GOLGA1: variants seen among roughly 807,000 people sequenced by gnomAD.
GOLGA1 encodes golgin A1.
A neutral mutation model predicts 119.7 loss-of-function variants in GOLGA1; 63 were observed. That is an observed-to-expected ratio of 0.53 (90% CI 0.43 to 0.65). The LOEUF (loss-of-function observed/expected upper bound fraction) is 0.65. GOLGA1 is among the 30% of genes least tolerant of loss of function. The pLI, the probability that GOLGA1 is intolerant of heterozygous loss-of-function variation, is 0.00. For synonymous variants in GOLGA1, 318 were observed against 333.4 expected (o/e 0.95, Z 0.50); for missense variants, 798 against 912.8 (o/e 0.87, Z 1.62).
Position 124,881,708 on chromosome 9 carries a change from G to T in GOLGA1, c.2136+76C>A. ...ATGTACGAGGAAAAGAGAGAAAGGGGCTGGGCAGGGGTCCCTGCAGGACAG... is the reference window on the plus strand; with the variant it reads ...ATGTACGAGGAAAAGAGAGAAAGGGTCTGGGCAGGGGTCCCTGCAGGACAG... On this transcript the variant is annotated intron_variant, in intron 21 of 22. Transcript: ENST00000373555. This position sits in a 1 kb window ranked among gnomAD's most constrained non-coding sequence, Gnocchi z 4.9. The T allele has an allele frequency of 2.1e-6, 2 of 943,722 alleles. No homozygotes were observed. Among genetic ancestry groups the T allele is most frequent in the East Asian group, 2.5e-5 (1 of 40,124 alleles). The allele number at this position is 943,722 out of a possible 1,614,324, so 58.5% of individuals were successfully genotyped here.
rs530679293 is a variant in GOLGA1 at position 124,901,010 on chromosome 9, C to T, written c.1066-463G>A. Among the ~76,000 whole-genome samples the T allele has an allele frequency of 8.0e-3, 1,149 of 143,694 alleles. 7 individuals are homozygous for T. Among genetic ancestry groups the T allele is most frequent in the Non-Finnish European group, 0.013 (834 of 66,476 alleles). 94.3% of individuals were successfully genotyped at this position (143,694 alleles called of 152,430 possible). ...TTTTTGAGATGGAGTCTTGCTCTGTCGCCCAGGCTGGAGTGCAGTGGCATG... is the reference window on the plus strand; with the variant it reads ...TTTTTGAGATGGAGTCTTGCTCTGTTGCCCAGGCTGGAGTGCAGTGGCATG... On this transcript the variant is annotated intron_variant, in intron 12 of 22. Coordinates refer to ENST00000373555, the MANE Select transcript of GOLGA1 (RefSeq NM_002077.4).
chr9:124,926,614 G>A, intron 7 of GOLGA1, 95 bp downstream of exon 7: 1 of 808,994 alleles, frequency 1.2e-6, no homozygotes, highest in South Asian at 1.3e-5. Flanking sequence ...CCAAGAGGTG[G>A]TATAGCAATC....
In GOLGA1 at chr9:124,890,437, A is replaced by C. The variant is rs1264109734; in HGVS notation, c.1449T>G (p.Ala483=). 1 of 1,613,922 alleles carries C rather than the reference A, an allele frequency of 6.2e-7. No homozygotes were observed. Among genetic ancestry groups the C allele is most frequent in the South Asian group, 1.1e-5 (1 of 91,084 alleles). Residue 483 remains alanine (A), a synonymous_variant, in exon 16 of 23, where the codon GCT becomes GCG. Coordinates refer to ENST00000373555, the MANE Select transcript of GOLGA1 (RefSeq NM_002077.4). ...GCTTCCGCACCTCCTCCAGGGCTTG[A>C]GCCATGGCCACGCTCACAATTTCTC... ...SQREIVSVAM[A]QALEEVRKQR... is the part of the protein sequence containing the mutation.
intron 15 of GOLGA1, among the ~76,000 whole-genome samples, chr9:124,895,123 C>T (rs1301128431): frequency 6.6e-6 from 1 of 151,248 alleles, no homozygotes; most frequent in East Asian, 2.0e-4. Flanking sequence ...AGAGACTCTC[C>T]ACAACAGAGA....
chr9:124,933,324 C>T (rs1334200306), intron 3 of GOLGA1, among the ~76,000 whole-genome samples: 1 of 152,194 alleles, frequency 6.6e-6, no homozygotes, highest in South Asian at 2.1e-4. Flanking sequence ...GGGTTCCCAT[C>T]ATTCTGTTAA....
In GOLGA1 at chr9:124,880,510, C is replaced by T. The variant is rs143156667; in HGVS notation, c.*20G>A. The T allele has an allele frequency of 2.1e-5, 30 of 1,414,380 alleles. No homozygotes were observed. In the African/African-American group the frequency reaches 3.9e-4, roughly 19 times the overall value. 87.6% of individuals were successfully genotyped at this position (1,414,380 alleles called of 1,614,324 possible). On this transcript the variant is annotated 3_prime_UTR_variant, in exon 23 of 23. Transcript: ENST00000373555. ...AGAAAAAGTGTCAACCCACGGAGCTCCATCCTTGGGTAGTCCCCTCTAGGA... is the reference window on the plus strand; with the variant it reads ...AGAAAAAGTGTCAACCCACGGAGCTTCATCCTTGGGTAGTCCCCTCTAGGA...
At chr9:124,890,329 G>C (rs1217251451) in intron 16 of GOLGA1, 60 bp downstream of exon 16, 6 of 1,121,534 alleles carry the variant, frequency 5.3e-6, no homozygotes, top group East Asian at 2.3e-5. Context: ...ACGGCAGGAT[G>C]GGCCTGCTGC....
Position 124,888,321 on chromosome 9 carries a change from C to T in GOLGA1, c.1837G>A (p.Ala613Thr). ...AGRTPNGEVG[A>T]MDLTQLQKEK... The stretch of plus-strand genomic sequence containing the variant: ...TTCTGTAGCTGTGTGAGATCCATGG[C>T]CCCAACCTCACCATTTGGTGTTCTT... The change falls in exon 19 of 23, where the codon GCC becomes ACC. Residue 613 changes from alanine to threonine, a missense_variant. Coordinates refer to ENST00000373555, the MANE Select transcript of GOLGA1 (RefSeq NM_002077.4). The surrounding 1 kb of genome is among the most constrained non-coding windows in gnomAD (Gnocchi z 4.4). 1 of 1,613,854 alleles carries T rather than the reference C, an allele frequency of 6.2e-7. No individual in the cohort carries two copies. Among genetic ancestry groups the T allele is most frequent in the Non-Finnish European group, 8.5e-7 (1 of 1,179,748 alleles).
At chr9:124,892,932 C>CAA (rs11464433) in intron 15 of GOLGA1, among the ~76,000 whole-genome samples, 216 of 114,632 alleles carry the variant, frequency 1.9e-3, no homozygotes, top group African/African-American at 5.1e-3. Flanking sequence ...AATTCCATCT[C>CAA]AAAAAAAAAA....
At chr9:124,934,507 G>A (rs1408342900) in intron 3 of GOLGA1, among the ~76,000 whole-genome samples, 1 of 152,164 alleles carries the variant, frequency 6.6e-6, no homozygotes, top group African/African-American at 2.4e-5. Flanking sequence ...AATAGCATGT[G>A]CAAAAATTGT....
intron 4 of GOLGA1, among the ~76,000 whole-genome samples, chr9:124,929,911 A>G (rs1243623368): frequency 6.6e-6 from 1 of 152,198 alleles, no homozygotes; most frequent in East Asian, 1.9e-4. Flanking sequence ...CTCAAATCCC[A>G]ACTCTGTCAG....
At chr9:124,919,741 G>A (rs563883430) in intron 10 of GOLGA1, among the ~76,000 whole-genome samples, 6 of 152,156 alleles carry the variant, frequency 3.9e-5, no homozygotes, top group South Asian at 4.2e-4. Context: ...TGGCACTGCC[G>A]AATAGGGGGT....
intron 15 of GOLGA1, among the ~76,000 whole-genome samples, chr9:124,896,189 G>A (rs1393147876): frequency 5.3e-5 from 8 of 152,090 alleles, no homozygotes; most frequent in Admixed American, 3.9e-4. Flanking sequence ...CAACGCAGGT[G>A]GATCACTTGA....
chr9:124,948,038 CAT>C (rs1410329122), upstream of GOLGA1: 2 of 152,216 alleles, frequency 1.3e-5, no homozygotes, highest in East Asian at 1.9e-4. Flanking sequence ...CTATATCACA[CAT>C]GTCAGAGATT....
At chr9:124,898,723 G>A (rs1830033520) in intron 14 of GOLGA1, 79 bp from the exon 15 acceptor site, 1 of 832,924 alleles carries the variant, frequency 1.2e-6, no homozygotes, top group East Asian at 2.4e-5. Flanking sequence ...GGACCAGGAA[G>A]AAGGCATAGG....
chr9:124,933,582 T>C (rs1830811061), intron 3 of GOLGA1, among the ~76,000 whole-genome samples: 1 of 152,086 alleles, frequency 6.6e-6, no homozygotes, highest in South Asian at 2.1e-4. Flanking sequence ...GCTCAGCTAA[T>C]ATTTGTATTT....
intron 6 of GOLGA1, among the ~76,000 whole-genome samples, chr9:124,927,168 A>G (rs1484782415): frequency 1.3e-5 from 2 of 152,086 alleles, no homozygotes; most frequent in African/African-American, 4.8e-5. Context: ...CTGGGGGAGT[A>G]GGGGGGATCT....
chr9:124,910,583 T>A (rs528373977), intron 11 of GOLGA1, among the ~76,000 whole-genome samples: 1 of 152,188 alleles, frequency 6.6e-6, no homozygotes, highest in African/African-American at 2.4e-5. Flanking sequence ...ACCAATTTTA[T>A]TGGGGAGGAA....
intron 11 of GOLGA1, among the ~76,000 whole-genome samples, chr9:124,910,760 T>A (rs1281657414): frequency 6.6e-6 from 1 of 152,080 alleles, no homozygotes; most frequent in South Asian, 2.1e-4. Flanking sequence ...GGTGTTAGAT[T>A]TTCATAGGAG....
Sources: gnomAD v4.1 joint callset for allele counts (sites outside exome capture counted in the v4.1 genomes callset) on GRCh38, gnomAD v4.1.1 for gene constraint, Gnocchi (gnomAD v3.1) non-coding constraint, MANE v1.5 for transcripts, NCBI Gene and HGNC (gene_info 2026-07-23, HGNC 2026-07-21) for gene names.